Variants in BCL2 observed in about 807,000 individuals in gnomAD.
BCL2 encodes BCL2 apoptosis regulator.
Under a neutral mutation model 14.2 loss-of-function variants are expected in BCL2, and 1 was observed. The observed-to-expected ratio is 0.07, with a 90% CI of 0.02 to 0.33. The LOEUF (loss-of-function observed/expected upper bound fraction) is 0.33, where lower values mean the gene tolerates loss of function less well. Among genes scored for constraint, BCL2 ranks in the 10% least tolerant of loss-of-function variants. The pLI is 0.99. For missense variants in BCL2, 247 were observed against 305.9 expected (o/e 0.81, Z 1.44); for synonymous variants, 151 against 137.2 (o/e 1.10, Z -0.70).
chr18:63,132,985 G>A (rs971021878), intron 2 of BCL2, among the ~76,000 whole-genome samples: 11 of 152,226 alleles, frequency 7.2e-5, no homozygotes, highest in Admixed American at 1.3e-4. Context: ...CACACGGAAA[G>A]GCTGGCACCG....
chr18:63,219,685 A>G lies in BCL2; in HGVS notation c.586-90926T>C, dbSNP rs192982430. On this transcript the variant is annotated intron_variant, in intron 2 of 2. Coordinates refer to ENST00000333681, the MANE Select transcript of BCL2 (RefSeq NM_000633.3). ...AAGTGTGCCTCCGAATTTAAAATCT[A>G]CAAGCATTGATGAGGGCCTACTATG... Among the ~76,000 whole-genome samples the G allele has an allele frequency of 6.2e-3, 940 of 152,272 alleles. 7 individuals carry two copies. Among genetic ancestry groups the G allele is most frequent in the African/African-American group, 0.021 (892 of 41,556 alleles).
At chr18:63,310,328 T>C (rs1055350227) in intron 2 of BCL2, among the ~76,000 whole-genome samples, 1 of 152,206 alleles carries the variant, frequency 6.6e-6, no homozygotes, top group Non-Finnish European at 1.5e-5. Context: ...AATCAGACTC[T>C]CCACAATTCC....
At chr18:63,147,746 C>T (rs1914547960) in intron 2 of BCL2, among the ~76,000 whole-genome samples, 1 of 152,250 alleles carries the variant, frequency 6.6e-6, no homozygotes, top group East Asian at 1.9e-4. Flanking sequence ...TGGATGTGTC[C>T]TACTTCTCAG....
At chr18:63,303,651 G>A (rs922225035) in intron 2 of BCL2, among the ~76,000 whole-genome samples, 2 of 152,102 alleles carry the variant, frequency 1.3e-5, no homozygotes, top group Non-Finnish European at 2.9e-5. Context: ...CTCTGTTTCC[G>A]CATCTATAAA....
chr18:63,222,003 G>A (rs1003269569), intron 2 of BCL2, among the ~76,000 whole-genome samples: 5 of 152,090 alleles, frequency 3.3e-5, no homozygotes, highest in African/African-American at 9.7e-5. Context: ...AAAAGAGGCC[G>A]GGCATGGCAG....
At chr18:63,212,307 G>A (rs113068287) in intron 2 of BCL2, among the ~76,000 whole-genome samples, 41,557 of 150,904 alleles carry the variant, frequency 0.28, 6,335 homozygotes, top group Non-Finnish European at 0.29. Context: ...CAGCCTGGGC[G>A]ACAGAGCGAG....
chr18:63,179,814 G>A (rs1392950798), intron 2 of BCL2, among the ~76,000 whole-genome samples: 1 of 152,158 alleles, frequency 6.6e-6, no homozygotes, highest in Non-Finnish European at 1.5e-5. Context: ...TTCTTATGAC[G>A]ATGAAATGAG....
chr18:63,200,720 T>A (rs1265765371), intron 2 of BCL2, among the ~76,000 whole-genome samples: 1 of 152,160 alleles, frequency 6.6e-6, no homozygotes, highest in Admixed American at 6.5e-5. Context: ...GGGAGAAAAC[T>A]CATCAACTCC....
intron 2 of BCL2, among the ~76,000 whole-genome samples, chr18:63,246,627 T>C (rs1911157462): frequency 6.6e-6 from 1 of 152,132 alleles, no homozygotes; most frequent in African/African-American, 2.4e-5. Context: ...TTGTGGGAGC[T>C]ACGATCCAAG....
At chr18:63,285,294 CT>C (rs1326581324) in intron 2 of BCL2, among the ~76,000 whole-genome samples, 1 of 152,190 alleles carries the variant, frequency 6.6e-6, no homozygotes, top group Non-Finnish European at 1.5e-5. Flanking sequence ...GACCATTGCC[CT>C]GGAGATGGGA....
chr18:63,148,226 A>T (rs940785173), intron 2 of BCL2, among the ~76,000 whole-genome samples: 2 of 151,988 alleles, frequency 1.3e-5, no homozygotes, highest in African/African-American at 4.8e-5. Flanking sequence ...AAGAATATCC[A>T]TTTTCTCTCT....
intron 2 of BCL2, among the ~76,000 whole-genome samples, chr18:63,203,777 CTAAG>C (rs1487798444): frequency 3.3e-5 from 5 of 152,132 alleles, no homozygotes; most frequent in Admixed American, 6.5e-5. Context: ...TAAAAGCAAA[CTAAG>C]TGTTTCTATG....
At chr18:63,260,535 G>A (rs564387575) in intron 2 of BCL2, among the ~76,000 whole-genome samples, 14 of 152,300 alleles carry the variant, frequency 9.2e-5, no homozygotes, top group East Asian at 7.7e-4. Flanking sequence ...CAGCAGGGGC[G>A]GACGATAGCA....
At chr18:63,308,341 G>C (rs1913205954) in intron 2 of BCL2, among the ~76,000 whole-genome samples, 1 of 152,184 alleles carries the variant, frequency 6.6e-6, no homozygotes, top group South Asian at 2.1e-4. Context: ...CTACAACACT[G>C]ATCAGAGTTA....
intron 2 of BCL2, among the ~76,000 whole-genome samples, chr18:63,151,677 A>G (rs999589134): frequency 6.6e-6 from 1 of 152,188 alleles, no homozygotes; most frequent in African/African-American, 2.4e-5. Context: ...GCCCAGCCCA[A>G]TTTCTCATAG....
At chr18:63,319,863 T>G (rs1213900918), upstream of BCL2, 1 of 177,408 alleles carries the variant, frequency 5.6e-6, no homozygotes, top group Non-Finnish European at 1.2e-5. Flanking sequence ...GACCCCCTCT[T>G]CCGCTGCACC....
At chr18:63,200,660 C>T (rs1175025374) in intron 2 of BCL2, among the ~76,000 whole-genome samples, 2 of 152,190 alleles carry the variant, frequency 1.3e-5, no homozygotes, top group Non-Finnish European at 1.5e-5. Context: ...CAGGGTCTTG[C>T]TCTATCACTC....
At chr18:63,176,247 A>C (rs771339712) in intron 2 of BCL2, among the ~76,000 whole-genome samples, 2 of 152,204 alleles carry the variant, frequency 1.3e-5, no homozygotes, top group Non-Finnish European at 2.9e-5. Flanking sequence ...TAATGATGAG[A>C]CCTAACCTAA....
chr18:63,267,172 G>A (rs1027734884), intron 2 of BCL2, among the ~76,000 whole-genome samples: 2 of 152,224 alleles, frequency 1.3e-5, no homozygotes, highest in African/African-American at 4.8e-5. Context: ...GATCAGTCAC[G>A]ACAGTTTCTC....
Sources: gnomAD v4.1 joint callset for allele counts (sites outside exome capture counted in the v4.1 genomes callset) on GRCh38, gnomAD v4.1.1 for gene constraint, MANE v1.5 for transcripts, NCBI Gene and HGNC (gene_info 2026-07-23, HGNC 2026-07-21) for gene names.